Variants in RPS6KC1 observed in about 807,000 individuals in gnomAD.
RPS6KC1 encodes the protein ribosomal protein S6 kinase C1, also known as inactive ribosomal protein S6 kinase delta-1.
A neutral mutation model predicts 103.8 loss-of-function variants in RPS6KC1; 54 were observed. The observed-to-expected ratio is 0.52, with a 90% CI of 0.42 to 0.65. RPS6KC1 has a LOEUF of 0.65. Among genes scored for constraint, RPS6KC1 ranks in the 30% least tolerant of loss-of-function variants. The probability of loss-of-function intolerance (pLI) is 0.00; values close to 1 mark genes in which losing one functional copy is unlikely to be tolerated. For missense variants in RPS6KC1, 1,151 were observed against 1,253.8 expected, an observed-to-expected ratio of 0.92 and a Z score of 1.24; for synonymous variants, 439 against 438.7, an observed-to-expected ratio of 1.00 and a Z score of -0.01.
chr1:213,407,218 GCACACACACA>G, the RPS6KC1 span, among the ~76,000 whole-genome samples: 8 of 127,558 alleles, frequency 6.3e-5, no homozygotes, highest in Admixed American at 1.4e-4. Flanking sequence ...ATGCACGCGC[GCACACACACA>G]CACACACACA....
Position 213,255,291 on chromosome 1 carries a change from A to T in RPS6KC1, c.2912-6267A>T, listed in dbSNP as rs576463408. Among the ~76,000 whole-genome samples the T allele has an allele frequency of 4.6e-5, 7 of 151,340 alleles. No individual in the cohort carries two copies. In the South Asian group the frequency reaches 1.5e-3, roughly 32 times the overall value. ...CAGTGAGTCATCATCCTGCCACTGC[A>T]CTCCAGCCTAGGTGACAGGATGAGA... On this transcript the variant is annotated intron_variant, in intron 12 of 14. Coordinates refer to ENST00000366960, the MANE Select transcript of RPS6KC1 (RefSeq NM_012424.6).
chr1:213,588,830 T>A, the RPS6KC1 span, among the ~76,000 whole-genome samples: 10 of 152,154 alleles, frequency 6.6e-5, no homozygotes, highest in African/African-American at 1.9e-4. Context: ...GGGGTCAGCA[T>A]GGCAAGTGAT....
chr1:213,722,109 T>C, the RPS6KC1 span, among the ~76,000 whole-genome samples: 1 of 152,142 alleles, frequency 6.6e-6, no homozygotes, highest in Non-Finnish European at 1.5e-5. Flanking sequence ...GGAGTCTGCA[T>C]GTACTCCAGG....
chr1:213,759,238 G>A, the RPS6KC1 span, among the ~76,000 whole-genome samples: 1 of 151,958 alleles, frequency 6.6e-6, no homozygotes, highest in Non-Finnish European at 1.5e-5. Context: ...TTTTTTATCA[G>A]TAAAGTATTT....
chr1:213,435,794 T>G, the RPS6KC1 span, among the ~76,000 whole-genome samples: 3 of 152,350 alleles, frequency 2.0e-5, 1 homozygote, highest in African/African-American at 7.2e-5. Flanking sequence ...AAATACTTGA[T>G]GGGAACTTGT....
chr1:213,279,571 T>A (rs2095118759), downstream of RPS6KC1, among the ~76,000 whole-genome samples: 1 of 152,204 alleles, frequency 6.6e-6, no homozygotes, highest in Admixed American at 6.5e-5. Context: ...TTGCTTTAAA[T>A]AGTTGGTTTG....
At chr1:213,479,057 T>G in the RPS6KC1 span, among the ~76,000 whole-genome samples, 1 of 152,138 alleles carries the variant, frequency 6.6e-6, no homozygotes, top group Non-Finnish European at 1.5e-5. Flanking sequence ...TCTCTGTTTT[T>G]AAAAATTCTA....
At chr1:213,565,791 A>G in the RPS6KC1 span, among the ~76,000 whole-genome samples, 1 of 152,128 alleles carries the variant, frequency 6.6e-6, no homozygotes, top group Non-Finnish European at 1.5e-5. Flanking sequence ...ATCCTTGCTG[A>G]CAGATTTAAG....
At chr1:213,743,963 A>G in the RPS6KC1 span, among the ~76,000 whole-genome samples, 1 of 152,236 alleles carries the variant, frequency 6.6e-6, no homozygotes, top group Non-Finnish European at 1.5e-5. Context: ...AGGGAACAAA[A>G]TAATGGCATT....
the RPS6KC1 span, among the ~76,000 whole-genome samples, chr1:213,796,001 A>G: frequency 1.3e-5 from 2 of 152,306 alleles, no homozygotes; most frequent in Admixed American, 1.3e-4. Flanking sequence ...AATAGACTGT[A>G]CAACAAAGCC....
the RPS6KC1 span, among the ~76,000 whole-genome samples, chr1:213,380,477 C>T: frequency 6.6e-6 from 1 of 152,026 alleles, no homozygotes; most frequent in African/African-American, 2.4e-5. Flanking sequence ...ACATGTACCC[C>T]TGAACTTAAA....
At chr1:213,193,949 G>A (rs1193462652) in intron 8 of RPS6KC1, among the ~76,000 whole-genome samples, 1 of 152,142 alleles carries the variant, frequency 6.6e-6, no homozygotes, top group Non-Finnish European at 1.5e-5. Context: ...TTGTTTTGGG[G>A]TCTATTTCTT....
chr1:213,100,029 A>G (rs1024356356), intron 3 of RPS6KC1, among the ~76,000 whole-genome samples: 23 of 152,206 alleles, frequency 1.5e-4, no homozygotes, highest in Admixed American at 1.2e-3. Context: ...TTATTTTATA[A>G]GGAACTAAGA....
chr1:213,694,209 G>A, the RPS6KC1 span, among the ~76,000 whole-genome samples: 2 of 152,200 alleles, frequency 1.3e-5, no homozygotes, highest in Admixed American at 6.5e-5. Flanking sequence ...TAAGAGAAGA[G>A]AATTCTGCTT....
chr1:213,457,716 T>C, the RPS6KC1 span, among the ~76,000 whole-genome samples: 1 of 152,248 alleles, frequency 6.6e-6, no homozygotes, highest in Non-Finnish European at 1.5e-5. Flanking sequence ...GGCAACAGAA[T>C]GGTTTAAATA....
chr1:213,242,497 G>GT, intron 11 of RPS6KC1, 72 bp from the exon 12 acceptor site: 1 of 1,257,158 alleles, frequency 8.0e-7, no homozygotes, highest in Non-Finnish European at 1.2e-6. Flanking sequence ...TACAAAAGGA[G>GT]TAATTACAGT....
At chr1:213,279,527 T>C (rs2095118713), downstream of RPS6KC1, among the ~76,000 whole-genome samples, 1 of 152,222 alleles carries the variant, frequency 6.6e-6, no homozygotes, top group Non-Finnish European at 1.5e-5. Flanking sequence ...CCTAACTCAC[T>C]CTTTGATCAT....
chr1:213,208,495 G>C (rs2093417125), intron 8 of RPS6KC1, among the ~76,000 whole-genome samples: 2 of 152,122 alleles, frequency 1.3e-5, no homozygotes, highest in African/African-American at 4.8e-5. Context: ...TTTTTGAGCT[G>C]TGTCTTTGCT....
chr1:213,601,400 A>G, the RPS6KC1 span, among the ~76,000 whole-genome samples: 585 of 147,900 alleles, frequency 4.0e-3, 4 homozygotes, highest in African/African-American at 0.014. Context: ...TTATATTTGT[A>G]TATATTATAT....
Sources: allele counts gnomAD v4.1 joint callset (sites outside exome capture counted in the v4.1 genomes callset), GRCh38; gene constraint gnomAD v4.1.1; transcripts MANE v1.5; gene names NCBI Gene and HGNC (gene_info 2026-07-23, HGNC 2026-07-21).